The following CADM2 variants were observed in gnomAD, a reference collection of about 807,000 sequenced individuals.
The protein encoded by CADM2 is immunoglobulin superfamily member 4D.
A neutral mutation model predicts 49.8 loss-of-function variants in CADM2; 12 were observed. The ratio of observed to expected loss-of-function variants is 0.24; its 90% CI spans 0.15 to 0.39. The LOEUF is 0.39. Among genes scored for constraint, CADM2 ranks in the 10% least tolerant of loss-of-function variants. The probability of loss-of-function intolerance (pLI) is 1.00; values close to 1 mark genes in which losing one functional copy is unlikely to be tolerated. For missense variants in CADM2, 378 were observed against 492.3 expected, an observed-to-expected ratio of 0.77 and a Z score of 2.20; for synonymous variants, 214 against 175.4, an observed-to-expected ratio of 1.22 and a Z score of -1.74.
intron 1 of CADM2, among the ~76,000 whole-genome samples, chr3:85,041,804 C>T (rs1316656567): frequency 6.6e-6 from 1 of 151,992 alleles, no homozygotes; most frequent in Non-Finnish European, 1.5e-5. Context: ...TTCATTGTGC[C>T]GTGGCAGACA....
At chr3:85,697,558 C>T (rs2066609292) in intron 1 of CADM2, among the ~76,000 whole-genome samples, 1 of 151,994 alleles carries the variant, frequency 6.6e-6, no homozygotes, top group Non-Finnish European at 1.5e-5. Context: ...TTTTGTTGTA[C>T]TTCTTAAATG....
At chr3:85,530,799 A>C (rs1333587438) in intron 1 of CADM2, among the ~76,000 whole-genome samples, 2 of 152,020 alleles carry the variant, frequency 1.3e-5, no homozygotes, top group Non-Finnish European at 2.9e-5. Context: ...AAGCATGATT[A>C]AAAGAAAAGA....
intron 8 of CADM2, among the ~76,000 whole-genome samples, chr3:86,036,112 G>T (rs1329206707): frequency 6.6e-6 from 1 of 151,996 alleles, no homozygotes; most frequent in Non-Finnish European, 1.5e-5. Context: ...TTCAATATAT[G>T]AATTTGGGGG....
intron 7 of CADM2, among the ~76,000 whole-genome samples, chr3:85,946,791 C>A (rs1017688451): frequency 6.6e-6 from 1 of 151,948 alleles, no homozygotes; most frequent in Admixed American, 6.6e-5. Context: ...ATACAAAAAT[C>A]AATTCAAGAT....
At chr3:85,908,265 T>C (rs1456554224) in intron 5 of CADM2, among the ~76,000 whole-genome samples, 3 of 149,846 alleles carry the variant, frequency 2.0e-5, no homozygotes, top group African/African-American at 7.3e-5. Context: ...TTTTTTTTTT[T>C]TTTTTTTTTC....
intron 1 of CADM2, among the ~76,000 whole-genome samples, chr3:85,128,198 G>T (rs960303966): frequency 9.9e-5 from 15 of 152,132 alleles, no homozygotes; most frequent in African/African-American, 3.6e-4. Flanking sequence ...GCTGAAACTA[G>T]CTTCCAGATC....
intron 1 of CADM2, among the ~76,000 whole-genome samples, chr3:85,473,339 T>G (rs1477236761): frequency 1.3e-5 from 2 of 152,070 alleles, no homozygotes; most frequent in African/African-American, 4.8e-5. Flanking sequence ...CGATAAAATA[T>G]GCCTTTACTC....
At chr3:86,001,461 C>A (rs1267778735) in intron 8 of CADM2, among the ~76,000 whole-genome samples, 1 of 151,796 alleles carries the variant, frequency 6.6e-6, no homozygotes, top group Non-Finnish European at 1.5e-5. Context: ...TTACAGTTCC[C>A]AGTAGTCCAT....
chr3:85,147,346 A>C, intron 1 of CADM2, among the ~76,000 whole-genome samples: 1 of 149,760 alleles, frequency 6.7e-6, no homozygotes, highest in East Asian at 2.0e-4. Context: ...TTAGGGGATG[A>C]CCAGATTGTT....
At chr3:85,050,112 G>A (rs1425682193) in intron 1 of CADM2, among the ~76,000 whole-genome samples, 4 of 151,888 alleles carry the variant, frequency 2.6e-5, no homozygotes, top group African/African-American at 9.7e-5. Flanking sequence ...GATTGCTCTC[G>A]GTGTTCTGTT....
chr3:85,008,252 A>G (rs1443959365), intron 1 of CADM2, among the ~76,000 whole-genome samples: 5 of 152,170 alleles, frequency 3.3e-5, no homozygotes, highest in Non-Finnish European at 5.9e-5. Context: ...GACTTTTTGT[A>G]TATATAATAC....
intron 1 of CADM2, among the ~76,000 whole-genome samples, chr3:85,264,250 T>G (rs1461439523): frequency 6.6e-6 from 1 of 152,128 alleles, no homozygotes; most frequent in Non-Finnish European, 1.5e-5. Flanking sequence ...TGAGTAGTAT[T>G]CATCAACACC....
At chr3:86,027,025 GA>G (rs1313901310) in intron 8 of CADM2, among the ~76,000 whole-genome samples, 2 of 151,632 alleles carry the variant, frequency 1.3e-5, no homozygotes, top group Admixed American at 6.6e-5. Flanking sequence ...TAATACTCAA[GA>G]AAAAAAGACA....
chr3:84,996,809 G>T (rs1003917624), intron 1 of CADM2, among the ~76,000 whole-genome samples: 1 of 152,018 alleles, frequency 6.6e-6, no homozygotes, highest in Non-Finnish European at 1.5e-5. Flanking sequence ...CTCTGGATCA[G>T]TTTCTCTCAG....
chr3:85,493,311 A>G (rs939405968), intron 1 of CADM2, among the ~76,000 whole-genome samples: 1 of 152,088 alleles, frequency 6.6e-6, no homozygotes, highest in African/African-American at 2.4e-5. Context: ...ATTATTCCCC[A>G]ATGTGTTCAG....
intron 8 of CADM2, among the ~76,000 whole-genome samples, chr3:86,054,426 G>T (rs1484393087): frequency 1.3e-5 from 2 of 151,992 alleles, no homozygotes; most frequent in Non-Finnish European, 2.9e-5. Context: ...AGTAGAAATA[G>T]TATTGTGTGT....
intron 1 of CADM2, among the ~76,000 whole-genome samples, chr3:85,357,872 T>C (rs1338085791): frequency 2.6e-5 from 4 of 152,110 alleles, no homozygotes; most frequent in Admixed American, 2.6e-4. Context: ...TCAGACATGA[T>C]TGATAAAACA....
At chr3:85,557,197 A>G (rs973972377) in intron 1 of CADM2, among the ~76,000 whole-genome samples, 1 of 152,036 alleles carries the variant, frequency 6.6e-6, no homozygotes, top group Non-Finnish European at 1.5e-5. Context: ...GTATAAACAA[A>G]AATTTGGGAT....
chr3:85,854,027 A>G lies in CADM2; in HGVS notation c.239-29264A>G, dbSNP rs80238603. On this transcript the variant is annotated intron_variant, in intron 3 of 9. Transcript: ENST00000383699. ...ACAGCTTAGTAAAGGAGACAGATGC[A>G]TACGTGGTCAGCTGACTCCAGAACT... 6.6e-3 allele frequency among the ~76,000 whole-genome samples: 1,010 copies of G among 152,328 alleles called. 6 individuals carry two copies. Among genetic ancestry groups the G allele is most frequent in the Non-Finnish European group, 0.011 (776 of 68,028 alleles).
Sources: allele counts gnomAD v4.1 joint callset (sites outside exome capture counted in the v4.1 genomes callset), GRCh38; gene constraint gnomAD v4.1.1; transcripts MANE v1.5; gene names NCBI Gene and HGNC (gene_info 2026-07-23, HGNC 2026-07-21).